Variants in MAP3K20 observed in about 807,000 individuals in gnomAD.
The protein encoded by MAP3K20 is mitogen-activated protein kinase kinase kinase 20.
MAP3K20 carries 40 observed loss-of-function variants against 85.7 expected under a neutral mutation model. The observed-to-expected ratio is 0.47, with a 90% CI of 0.36 to 0.61. The LOEUF is 0.61. Ranked by LOEUF, MAP3K20 falls within the 20% of genes least tolerant of loss-of-function variation. MAP3K20 has a pLI of 0.00. For synonymous variants in MAP3K20, 325 were observed against 327.7 expected, an observed-to-expected ratio of 0.99 and a Z score of 0.09; for missense variants, 817 against 961.7, an observed-to-expected ratio of 0.85 and a Z score of 1.99.
chr2:173,213,135 G>A (rs13385996), intron 10 of MAP3K20, among the ~76,000 whole-genome samples: 33,134 of 151,974 alleles, frequency 0.22, 3,801 homozygotes, highest in African/African-American at 0.25. Flanking sequence ...ATTATAGAGA[G>A]TGTTTTTTAT....
intron 11 of MAP3K20, chr2:173,221,155 C>T: frequency 6.6e-7 from 1 of 1,509,576 alleles, no homozygotes; most frequent in Non-Finnish European, 8.9e-7. Context: ...GATAGCTTCT[C>T]TTGCCTCTTG....
intron 3 of MAP3K20, among the ~76,000 whole-genome samples, chr2:173,172,916 G>A (rs1373241286): frequency 2.0e-5 from 3 of 151,722 alleles, no homozygotes; most frequent in Admixed American, 6.6e-5. Context: ...TCTTGCCTCA[G>A]CCTCCTGAAT....
intron 2 of MAP3K20, among the ~76,000 whole-genome samples, chr2:173,095,264 CA>C (rs1363001447): frequency 6.6e-6 from 1 of 152,056 alleles, no homozygotes; most frequent in African/African-American, 2.4e-5. Context: ...ACTTCAGGCA[CA>C]AAAAGATGTA....
intron 4 of MAP3K20, among the ~76,000 whole-genome samples, chr2:173,186,859 A>G (rs1274381292): frequency 6.6e-6 from 1 of 152,208 alleles, no homozygotes; most frequent in African/African-American, 2.4e-5. Flanking sequence ...CAAAATAATA[A>G]AGCTCTATAA....
chr2:173,225,296 T>G (rs770588140), intron 11 of MAP3K20: 5 of 375,472 alleles, frequency 1.3e-5, no homozygotes, highest in Non-Finnish European at 1.8e-5. Flanking sequence ...CTCAGTAAAG[T>G]CTTCCATCCA....
At chr2:173,170,560 G>T (rs1689970754) in intron 3 of MAP3K20, among the ~76,000 whole-genome samples, 1 of 151,960 alleles carries the variant, frequency 6.6e-6, no homozygotes, top group African/African-American at 2.4e-5. Flanking sequence ...AAATAACTTT[G>T]ATCTTTATCT....
intron 17 of MAP3K20, 48 bp from the exon 18 acceptor site, chr2:173,261,015 G>T: frequency 1.3e-6 from 2 of 1,567,712 alleles, no homozygotes; most frequent in South Asian, 2.2e-5. Context: ...TACTATAGTA[G>T]AGCAGACTGT....
At chr2:173,226,545 C>T in intron 11 of MAP3K20, 1 of 985,810 alleles carries the variant, frequency 1.0e-6, no homozygotes, top group South Asian at 4.7e-5. Context: ...GCTCTAGATA[C>T]AGCATTTCTA....
At chr2:173,163,044 T>C (rs1294059141) in intron 2 of MAP3K20, among the ~76,000 whole-genome samples, 10 of 152,228 alleles carry the variant, frequency 6.6e-5, no homozygotes, top group Admixed American at 6.5e-4. Context: ...TTCACAAAAA[T>C]AAGTGAACTC....
chr2:173,194,252 G>A (rs1301868494), intron 7 of MAP3K20, among the ~76,000 whole-genome samples: 3 of 152,098 alleles, frequency 2.0e-5, no homozygotes, highest in Non-Finnish European at 2.9e-5. Context: ...GACTGTATAG[G>A]TTGATGCAAA....
At chr2:173,184,790 C>G (rs1690435352) in intron 4 of MAP3K20, among the ~76,000 whole-genome samples, 1 of 151,822 alleles carries the variant, frequency 6.6e-6, no homozygotes, top group African/African-American at 2.4e-5. Flanking sequence ...CACTACTCGC[C>G]TATAGTCCCA....
At chr2:173,109,549 T>C (rs1389540715) in intron 2 of MAP3K20, among the ~76,000 whole-genome samples, 2 of 152,120 alleles carry the variant, frequency 1.3e-5, no homozygotes, top group Non-Finnish European at 2.9e-5. Flanking sequence ...ATTTGTCAAG[T>C]TGAGTAAGAA....
intron 7 of MAP3K20, among the ~76,000 whole-genome samples, chr2:173,194,788 A>G (rs1690773809): frequency 6.6e-6 from 1 of 152,086 alleles, no homozygotes; most frequent in South Asian, 2.1e-4. Context: ...AATCCACCCA[A>G]AAAACTGCAA....
intron 2 of MAP3K20, among the ~76,000 whole-genome samples, chr2:173,113,943 T>C (rs1688047029): frequency 6.6e-6 from 1 of 152,210 alleles, no homozygotes; most frequent in Non-Finnish European, 1.5e-5. Context: ...TGTCTCTTTG[T>C]TGACTTTCTG....
intron 10 of MAP3K20, 128 bp from the exon 11 acceptor site, chr2:173,216,987 G>T (rs1035295358): frequency 1.1e-6 from 1 of 910,652 alleles, no homozygotes; most frequent in African/African-American, 1.7e-5. Context: ...CTTCTCCTCC[G>T]GCAGTTACCT....
chr2:173,184,877 T>G (rs1320578966), intron 4 of MAP3K20, among the ~76,000 whole-genome samples: 1 of 148,058 alleles, frequency 6.8e-6, no homozygotes, highest in Non-Finnish European at 1.5e-5. Context: ...GCCACTGCAC[T>G]CCAGCCAGAG....
intron 9 of MAP3K20, among the ~76,000 whole-genome samples, chr2:173,209,237 T>G (rs1411165436): frequency 2.0e-5 from 3 of 152,192 alleles, no homozygotes; most frequent in Non-Finnish European, 2.9e-5. Context: ...TTGGAAAATT[T>G]TATTAGTTCC....
chr2:173,221,642 T>G (rs1684254445), intron 11 of MAP3K20: 3 of 1,337,766 alleles, frequency 2.2e-6, no homozygotes, highest in Non-Finnish European at 2.9e-6. Flanking sequence ...CACTGCATTT[T>G]TAGGCCAATC....
chr2:173,141,301 A>G (rs892982594), intron 2 of MAP3K20, among the ~76,000 whole-genome samples: 1 of 152,232 alleles, frequency 6.6e-6, no homozygotes, highest in African/African-American at 2.4e-5. Flanking sequence ...AAAAGACTAC[A>G]AAGCAGCTTT....
Sources: allele counts gnomAD v4.1 joint callset (sites outside exome capture counted in the v4.1 genomes callset), GRCh38; gene constraint gnomAD v4.1.1; transcripts MANE v1.5; gene names NCBI Gene and HGNC (gene_info 2026-07-23, HGNC 2026-07-21).